Variants in RHOT1 observed in about 807,000 individuals in gnomAD.
The protein encoded by RHOT1 is ras homolog family member T1, also known as mitochondrial Rho GTPase 1.
In RHOT1, 27 loss-of-function variants were observed where a neutral mutation model predicts 95.3. That is an observed-to-expected ratio of 0.28 (90% CI 0.21 to 0.39). RHOT1 has a LOEUF of 0.39. RHOT1 is among the 10% of genes least tolerant of loss of function. RHOT1 has a pLI of 1.00. For synonymous variants in RHOT1, 227 were observed against 263.5 expected, an observed-to-expected ratio of 0.86 and a Z score of 1.34; for missense variants, 578 against 786.7, an observed-to-expected ratio of 0.73 and a Z score of 3.17.
chr17:32,207,271 A>G (rs1396797547), intron 17 of RHOT1: 1 of 367,768 alleles, frequency 2.7e-6, no homozygotes, highest in African/African-American at 2.1e-5. Flanking sequence ...GAGAACTTTT[A>G]CATTAATGCA....
intron 18 of RHOT1, among the ~76,000 whole-genome samples, chr17:32,209,922 T>C (rs1370836647): frequency 6.6e-6 from 1 of 151,846 alleles, no homozygotes; most frequent in African/African-American, 2.4e-5. Flanking sequence ...AGCAGTGATT[T>C]GTTCATCATC....
At chr17:32,208,410 G>T in intron 18 of RHOT1, 101 bp downstream of exon 18, 1 of 1,159,232 alleles carries the variant, frequency 8.6e-7, no homozygotes, top group Non-Finnish European at 1.3e-6. Flanking sequence ...GAATTGTTCA[G>T]CAACAGAAAG....
chr17:32,155,592 G>A lies in RHOT1; in HGVS notation c.37+12863G>A, dbSNP rs540789328. Among the ~76,000 whole-genome samples the A allele has an allele frequency of 6.0e-5, 9 of 151,162 alleles. No homozygotes were observed. In the South Asian group the frequency reaches 1.7e-3, roughly 28 times the overall value. Reference sequence around the variant, plus strand: ...AGGTCTCACTCTGTTGCCCAAGCTGGAGTGCAGTGGCTCAATCATGGCTCA... The same window carrying A: ...AGGTCTCACTCTGTTGCCCAAGCTGAAGTGCAGTGGCTCAATCATGGCTCA... On this transcript the variant is annotated intron_variant, in intron 1 of 19. Transcript: ENST00000545287.
In RHOT1 at chr17:32,142,734, G is replaced by C; in HGVS notation, c.37+5G>C. ...GGATCCTGCTGGTGGGAGAACGTGA[G>C]TCCGCACCCTCTGGCCGGCCCCTGA... On this transcript the variant is annotated splice_donor_5th_base_variant and intron_variant, in intron 1 of 19. Coordinates refer to ENST00000545287, the MANE Select transcript of RHOT1 (RefSeq NM_001033566.3). 6.6e-7 allele frequency: 1 copy of C among 1,515,066 alleles called. No homozygotes were observed. The highest frequency in any genetic ancestry group is 8.8e-7 in the Non-Finnish European group (1 of 1,133,248). 93.9% of individuals were successfully genotyped at this position (1,515,066 alleles called of 1,614,324 possible).
rs377630115 is a variant in RHOT1, at chr17:32,173,726, AAAG to A, written c.97-102_97-100del. ...AGACTCCATTAAAAAAAAAAAAAGA[AAAG>A]AAACACTCAACCTGTGTAGATAAAT... On this transcript the variant is annotated intron_variant, in intron 2 of 19. Coordinates refer to ENST00000545287, the MANE Select transcript of RHOT1 (RefSeq NM_001033566.3). The A allele has an allele frequency of 2.7e-5, 22 of 809,396 alleles. 1 individual carries two copies. The highest frequency in any genetic ancestry group is 1.6e-4 in the African/African-American group (9 of 56,282). 50.1% of individuals were successfully genotyped at this position (809,396 alleles called of 1,614,324 possible). A position where few individuals can be genotyped will look rare whatever the true frequency, so the allele number is the denominator to read the frequency against.
intron 16 of RHOT1, among the ~76,000 whole-genome samples, chr17:32,206,298 C>T (rs1239248609): frequency 6.8e-6 from 1 of 147,032 alleles, no homozygotes; most frequent in African/African-American, 2.5e-5. Flanking sequence ...CTCTGCTTTC[C>T]AGGCTCAAGC....
chr17:32,204,543 G>GAAAA (rs58323302), intron 16 of RHOT1, among the ~76,000 whole-genome samples: 9 of 54,870 alleles, frequency 1.6e-4, no homozygotes, highest in African/African-American at 5.2e-4. Flanking sequence ...TCCATCTCCA[G>GAAAA]AAAAAAAAAA....
At chr17:32,148,759 G>C (rs529698168) in intron 1 of RHOT1, among the ~76,000 whole-genome samples, 1 of 152,214 alleles carries the variant, frequency 6.6e-6, no homozygotes, top group Non-Finnish European at 1.5e-5. Context: ...TTTGCCACTT[G>C]AAGCAGGGGG....
intron 6 of RHOT1, among the ~76,000 whole-genome samples, chr17:32,181,236 C>T (rs2035607588): frequency 6.6e-6 from 1 of 152,186 alleles, no homozygotes; most frequent in African/African-American, 2.4e-5. Flanking sequence ...TAAGATTTTT[C>T]CCCACAGACT....
chr17:32,142,634 TG>T lies in RHOT1; in HGVS notation c.-57del. ...GGTGGCGCCGTGGGGTGGGTGCTCC[TG>T]GTGAGAGGAGTCCACTCCGTGCGTG... On this transcript the variant is annotated 5_prime_UTR_variant, in exon 1 of 20. Coordinates refer to ENST00000545287, the MANE Select transcript of RHOT1 (RefSeq NM_001033566.3). 7.0e-7 allele frequency: 1 copy of T among 1,433,038 alleles called. No individual in the cohort carries two copies. Among genetic ancestry groups the T allele is most frequent in the Non-Finnish European group, 9.1e-7 (1 of 1,093,614 alleles). 88.8% of individuals were successfully genotyped at this position (1,433,038 alleles called of 1,614,324 possible). A position where few individuals can be genotyped will look rare whatever the true frequency, so the allele number is the denominator to read the frequency against.
intron 16 of RHOT1, among the ~76,000 whole-genome samples, chr17:32,206,316 C>G (rs1257600328): frequency 1.3e-5 from 2 of 149,584 alleles, no homozygotes; most frequent in African/African-American, 4.9e-5. Flanking sequence ...AGCGATTCTC[C>G]TGCCTTAGCC....
chr17:32,199,039 T>G lies in RHOT1; in HGVS notation c.954+8T>G. The G allele has an allele frequency of 1.3e-6, 2 of 1,575,974 alleles. No individual in the cohort carries two copies. The highest frequency in any genetic ancestry group is 1.7e-6 in the Non-Finnish European group (2 of 1,147,000). ...TTTGACAAGCATGATTTGGTAAGCC[T>G]TTAGCTGTAATTTTCCATTATATAT... On this transcript the variant is annotated splice_region_variant and intron_variant, in intron 12 of 19. Transcript: ENST00000545287.
At chr17:32,195,106 T>A (rs1419532452) in intron 11 of RHOT1, among the ~76,000 whole-genome samples, 1 of 151,750 alleles carries the variant, frequency 6.6e-6, no homozygotes, top group Non-Finnish European at 1.5e-5. Flanking sequence ...ATTACAGGCG[T>A]GAGCCACTGC....
chr17:32,223,983 A>G (rs1454779001), intron 19 of RHOT1, among the ~76,000 whole-genome samples: 3 of 152,158 alleles, frequency 2.0e-5, no homozygotes. Context: ...GTTAGTTGGT[A>G]TCATTATCAC....
chr17:32,142,806 CTGCAGCCCCAACCTT>C, intron 1 of RHOT1, 77 bp downstream of exon 1: 1 of 1,289,404 alleles, frequency 7.8e-7, no homozygotes, highest in Admixed American at 2.4e-5. Flanking sequence ...CCTGTCGCCC[CTGCAGCCCCAACCTT>C]TGCAGCCCCG....
intron 6 of RHOT1, among the ~76,000 whole-genome samples, chr17:32,181,419 C>G (rs1298150023): frequency 6.6e-6 from 1 of 152,228 alleles, no homozygotes; most frequent in Non-Finnish European, 1.5e-5. Flanking sequence ...ATCTTCACAT[C>G]TAACCTATCA....
intron 1 of RHOT1, among the ~76,000 whole-genome samples, chr17:32,164,148 A>T (rs1446353478): frequency 6.6e-6 from 1 of 152,200 alleles, no homozygotes; most frequent in East Asian, 1.9e-4. Context: ...GGCTTATAGA[A>T]TTGCTTAAAA....
chr17:32,165,360 A>AAAC (rs1166062053), intron 1 of RHOT1, among the ~76,000 whole-genome samples: 4 of 140,282 alleles, frequency 2.9e-5, no homozygotes, highest in African/African-American at 6.4e-5. Context: ...AAAAAAAAAA[A>AAAC]AACAATACAA....
Position 32,194,867 on chromosome 17 carries a change from C to T in RHOT1, c.869+760C>T, listed in dbSNP as rs187065366. ...TTTTTCAGACGGAGTCTCGCTCTGT[C>T]ACCCAGGCTGGAGTGCAGTGTCACG... On this transcript the variant is annotated intron_variant, in intron 11 of 19. Coordinates refer to ENST00000545287, the MANE Select transcript of RHOT1 (RefSeq NM_001033566.3). 1.5e-3 allele frequency among the ~76,000 whole-genome samples: 216 copies of T among 141,540 alleles called. 1 individual carries two copies. Among genetic ancestry groups the T allele is most frequent in the African/African-American group, 5.4e-3 (204 of 38,002 alleles). 92.9% of individuals were successfully genotyped at this position (141,540 alleles called of 152,430 possible). A position where few individuals can be genotyped will look rare whatever the true frequency, so the allele number is the denominator to read the frequency against.
Sources: allele counts gnomAD v4.1 joint callset (sites outside exome capture counted in the v4.1 genomes callset), GRCh38; gene constraint gnomAD v4.1.1; transcripts MANE v1.5; gene names NCBI Gene and HGNC (gene_info 2026-07-23, HGNC 2026-07-21).